Variants in TMEM200A observed in about 807,000 individuals in gnomAD.
TMEM200A encodes transmembrane protein 200A, also known as two transmembrane C.
TMEM200A carries 12 observed loss-of-function variants against 24.3 expected under a neutral mutation model. The ratio of observed to expected loss-of-function variants is 0.49; its 90% CI spans 0.32 to 0.80. The LOEUF is 0.80. Among genes scored for constraint, TMEM200A ranks in the 30% least tolerant of loss-of-function variants. TMEM200A has a pLI of 0.04. For synonymous variants in TMEM200A, 224 were observed against 224.4 expected, an observed-to-expected ratio of 1.00 and a Z score of 0.02; for missense variants, 545 against 614.4, an observed-to-expected ratio of 0.89 and a Z score of 1.19.
At chr6:130,427,813 CT>C (rs1289219521) in intron 2 of TMEM200A, among the ~76,000 whole-genome samples, 1 of 150,834 alleles carries the variant, frequency 6.6e-6, no homozygotes, top group African/African-American at 2.4e-5. Context: ...GCTCATTCTT[CT>C]TTTCATTTGT....
At chr6:130,395,070 A>G (rs990630046) in intron 2 of TMEM200A, among the ~76,000 whole-genome samples, 4 of 152,116 alleles carry the variant, frequency 2.6e-5, no homozygotes, top group Non-Finnish European at 5.9e-5. Context: ...CAATGTTTTG[A>G]AAGTAGTAGA....
intron 2 of TMEM200A, among the ~76,000 whole-genome samples, chr6:130,404,445 A>C (rs999063853): frequency 8.5e-5 from 13 of 152,116 alleles, no homozygotes; most frequent in African/African-American, 3.1e-4. Context: ...TGAGTTTTAC[A>C]TATGCTTGTT....
intron 2 of TMEM200A, among the ~76,000 whole-genome samples, chr6:130,417,633 T>G (rs761945664): frequency 1.3e-5 from 2 of 152,144 alleles, no homozygotes; most frequent in African/African-American, 4.8e-5. Flanking sequence ...TTAAAGGCTA[T>G]CCAGTATCAT....
intron 1 of TMEM200A, among the ~76,000 whole-genome samples, chr6:130,367,980 C>G (rs1778225573): frequency 6.6e-6 from 1 of 152,180 alleles, no homozygotes; most frequent in East Asian, 1.9e-4. Context: ...GCAGTTAGCA[C>G]AGAAAGGCTT....
chr6:130,435,489 T>C (rs1779981486), intron 2 of TMEM200A, among the ~76,000 whole-genome samples: 3 of 152,196 alleles, frequency 2.0e-5, no homozygotes, highest in Admixed American at 2.0e-4. Flanking sequence ...CAGGTGTCCA[T>C]TTTTATTGCA....
chr6:130,373,670 G>C (rs559019247), intron 1 of TMEM200A, among the ~76,000 whole-genome samples: 1 of 152,148 alleles, frequency 6.6e-6, no homozygotes, highest in African/African-American at 2.4e-5. Flanking sequence ...TGTTTTTTGT[G>C]CATAAGGGTT....
At chr6:130,413,986 T>C (rs1779390286) in intron 2 of TMEM200A, among the ~76,000 whole-genome samples, 1 of 152,198 alleles carries the variant, frequency 6.6e-6, no homozygotes, top group Admixed American at 6.5e-5. Context: ...CTAATTTCTG[T>C]TAGAGTATTA....
intron 2 of TMEM200A, among the ~76,000 whole-genome samples, chr6:130,424,729 C>CATG: frequency 6.6e-6 from 1 of 152,204 alleles, no homozygotes; most frequent in South Asian, 2.1e-4. Context: ...GTGGGGGAGC[C>CATG]ATGATGGTGA....
At position 130,441,908 on chromosome 6, in the gene TMEM200A, A is replaced by G. The variant is rs775420449; in HGVS notation, c.*10A>G. 3.0e-5 allele frequency: 47 copies of G among 1,580,012 alleles called. No individual in the cohort carries two copies. Among genetic ancestry groups the G allele is most frequent in the Middle Eastern group, 1.7e-4 (1 of 5,716 alleles). On this transcript the variant is annotated 3_prime_UTR_variant, in exon 3 of 3. Transcript: ENST00000296978. ...TGAAACAAGGTTTTAATGTTAAAAGAATATATCATTTTACAAGGGTATATA... is the reference window on the plus strand; with the variant it reads ...TGAAACAAGGTTTTAATGTTAAAAGGATATATCATTTTACAAGGGTATATA...
chr6:130,379,693 T>C (rs1340340247), intron 1 of TMEM200A, among the ~76,000 whole-genome samples: 3 of 152,160 alleles, frequency 2.0e-5, no homozygotes, highest in Non-Finnish European at 4.4e-5. Context: ...GAGTTCAGTA[T>C]GGGGCACATT....
chr6:130,365,752 T>C, upstream of TMEM200A: 1 of 985,548 alleles, frequency 1.0e-6, no homozygotes, highest in Non-Finnish European at 1.2e-6. Flanking sequence ...GGGTTTTGTC[T>C]GCGGGTGATT....
chr6:130,380,386 G>C (rs921905189), intron 1 of TMEM200A, among the ~76,000 whole-genome samples: 2 of 152,090 alleles, frequency 1.3e-5, no homozygotes, highest in Non-Finnish European at 2.9e-5. Flanking sequence ...TTTGTTATAG[G>C]TGTTTTTAAA....
intron 2 of TMEM200A, among the ~76,000 whole-genome samples, chr6:130,413,890 G>A (rs183640034): frequency 2.0e-5 from 3 of 152,190 alleles, no homozygotes; most frequent in Non-Finnish European, 4.4e-5. Context: ...TATGTGCTTA[G>A]AATATCATTA....
intron 2 of TMEM200A, chr6:130,438,304 T>G (rs1455974970): frequency 1.3e-5 from 2 of 152,206 alleles, no homozygotes; most frequent in Non-Finnish European, 2.9e-5. Flanking sequence ...CTCACTGGCT[T>G]GTTAAAACTG....
intron 2 of TMEM200A, among the ~76,000 whole-genome samples, chr6:130,401,663 A>G (rs979945865): frequency 2.6e-5 from 4 of 151,944 alleles, no homozygotes; most frequent in African/African-American, 9.7e-5. Context: ...CATTTTTAAA[A>G]ATTAAGTATT....
Position 130,366,172 on chromosome 6 carries a change from G to T in TMEM200A, c.-433G>T, listed in dbSNP as rs1778137780. 2.0e-6 allele frequency: 2 copies of T among 985,082 alleles called. No homozygotes were observed. The highest frequency in any genetic ancestry group is 1.7e-5 in the African/African-American group (1 of 57,198). The allele number at this position is 985,082 out of a possible 1,614,324, so 61.0% of individuals were successfully genotyped here. ...GAGGGCAGGCGCGCCTGGACTCTGC[G>T]CCCGGATGGCGGCGGCCCTCTGTGA... On this transcript the variant is annotated 5_prime_UTR_variant, in exon 1 of 3. Coordinates refer to ENST00000296978, the MANE Select transcript of TMEM200A (RefSeq NM_001258277.2). This position sits in a 1 kb window ranked among gnomAD's most constrained non-coding sequence, Gnocchi z 4.4.
chr6:130,418,411 A>G (rs2115175994), intron 2 of TMEM200A, among the ~76,000 whole-genome samples: 1 of 152,312 alleles, frequency 6.6e-6, no homozygotes, highest in South Asian at 2.1e-4. Context: ...CTCATGAACC[A>G]GAGAGTGTCC....
intron 1 of TMEM200A, among the ~76,000 whole-genome samples, chr6:130,370,064 G>T (rs1009646382): frequency 1.3e-5 from 2 of 152,140 alleles, no homozygotes; most frequent in Non-Finnish European, 2.9e-5. Context: ...ATCATGGCTG[G>T]AACTCAGAGA....
At chr6:130,395,290 C>G (rs1387519498) in intron 2 of TMEM200A, among the ~76,000 whole-genome samples, 1 of 152,216 alleles carries the variant, frequency 6.6e-6, no homozygotes, top group African/African-American at 2.4e-5. Flanking sequence ...GTAGTTTTTC[C>G]CTTTCCCAAG....
Sources: gnomAD v4.1 joint callset for allele counts (sites outside exome capture counted in the v4.1 genomes callset) on GRCh38, gnomAD v4.1.1 for gene constraint, Gnocchi (gnomAD v3.1) non-coding constraint, MANE v1.5 for transcripts, NCBI Gene and HGNC (gene_info 2026-07-23, HGNC 2026-07-21) for gene names.